The following QRICH1 variants were observed in gnomAD, a reference collection of about 807,000 sequenced individuals.
QRICH1 encodes the protein transcriptional regulator QRICH1.
QRICH1 carries 16 observed loss-of-function variants against 87.1 expected under a neutral mutation model. The observed-to-expected ratio is 0.18, with a 90% confidence interval of 0.12 to 0.28. The LOEUF is 0.28. QRICH1 is among the 10% of genes least tolerant of loss of function. The pLI is 1.00. For synonymous variants in QRICH1, 367 were observed against 368.4 expected, an observed-to-expected ratio of 1.00 and a Z score of 0.05; for missense variants, 647 against 951.7, an observed-to-expected ratio of 0.68 and a Z score of 4.21.
chr3:49,068,650 TG>T (rs1233539825), intron 2 of QRICH1, among the ~76,000 whole-genome samples: 1 of 150,578 alleles, frequency 6.6e-6, no homozygotes, highest in Non-Finnish European at 1.5e-5. Flanking sequence ...TTTTTTGTGA[TG>T]GGGTCTGTGC....
intron 3 of QRICH1, among the ~76,000 whole-genome samples, chr3:49,052,844 A>C (rs936214592): frequency 2.6e-5 from 4 of 152,120 alleles, no homozygotes; most frequent in East Asian, 1.9e-4. Context: ...CTTGTCACTT[A>C]ATCTCTCTGT....
chr3:49,068,664 T>C (rs992847314), intron 2 of QRICH1, among the ~76,000 whole-genome samples: 2 of 151,376 alleles, frequency 1.3e-5, no homozygotes, highest in African/African-American at 4.9e-5. Context: ...GTCTGTGCTC[T>C]ATTGCCCAGG....
At chr3:49,071,667 A>G (rs765985970) in intron 2 of QRICH1, among the ~76,000 whole-genome samples, 30 of 152,176 alleles carry the variant, frequency 2.0e-4, no homozygotes, top group Non-Finnish European at 3.7e-4. Context: ...AAACAGCAGA[A>G]TAATTTGAGC....
chr3:49,038,252 A>T (rs1259454684), intron 6 of QRICH1, among the ~76,000 whole-genome samples: 1 of 150,952 alleles, frequency 6.6e-6, no homozygotes, highest in Non-Finnish European at 1.5e-5. Context: ...TAGTAGAGAC[A>T]GGGCTTCACC....
At chr3:49,086,319 C>T (rs1240323848) in intron 1 of QRICH1, among the ~76,000 whole-genome samples, 3 of 150,478 alleles carry the variant, frequency 2.0e-5, no homozygotes, top group East Asian at 2.0e-4. Flanking sequence ...TGCAATGGTG[C>T]GATCTCGGCT....
In QRICH1 at chr3:49,057,504, C is replaced by T. The variant is rs1457294252; in HGVS notation, c.696G>A (p.Gly232=). The part of the protein sequence containing the change: ...PPSQQGSPRE[G]ERRVGTASVL... ...CACTGGCCGTGCCAACCCGCCGCTC[C>T]CCTTCCCGGGGTGAGCCCTGCTGGG... The change falls in exon 3 of 10, where the codon GGG becomes GGA. Residue 232 remains glycine (G), a synonymous_variant. Transcript: ENST00000395443. The surrounding 1 kb of genome is among the most constrained non-coding windows in gnomAD (Gnocchi z 5.4). 2 of 1,613,438 alleles carry T rather than the reference C, an allele frequency of 1.2e-6. No homozygotes were observed. Among genetic ancestry groups the T allele is most frequent in the African/African-American group, 1.3e-5 (1 of 75,054 alleles).
At chr3:49,080,469 A>G (rs752068861) in intron 1 of QRICH1, among the ~76,000 whole-genome samples, 14 of 152,128 alleles carry the variant, frequency 9.2e-5, no homozygotes, top group East Asian at 1.9e-4. Context: ...TGGGAATTCA[A>G]TATCAAACAA....
intron 6 of QRICH1, among the ~76,000 whole-genome samples, chr3:49,038,291 G>C (rs992507534): frequency 2.6e-5 from 4 of 151,760 alleles, no homozygotes; most frequent in Non-Finnish European, 2.9e-5. Flanking sequence ...TCGATCTCCT[G>C]AACTCATGAT....
chr3:49,032,599 C>G, intron 8 of QRICH1, 23 bp downstream of exon 8: 1 of 1,543,974 alleles, frequency 6.5e-7, no homozygotes, highest in Non-Finnish European at 8.7e-7. Flanking sequence ...CCTGTTTTTG[C>G]CATCCCTGCC....
intron 2 of QRICH1, among the ~76,000 whole-genome samples, chr3:49,068,919 C>T (rs1441670285): frequency 1.3e-5 from 2 of 151,664 alleles, no homozygotes; most frequent in African/African-American, 4.8e-5. Context: ...GCATGAGCAA[C>T]CACACCCGGC....
intron 1 of QRICH1, among the ~76,000 whole-genome samples, chr3:49,088,750 C>T (rs541796921): frequency 2.6e-5 from 4 of 151,856 alleles, no homozygotes; most frequent in South Asian, 4.2e-4. Flanking sequence ...CTCTGCCTCC[C>T]GAGTAGCTGG....
chr3:49,062,848 T>C (rs997950552), intron 2 of QRICH1, among the ~76,000 whole-genome samples: 1 of 151,324 alleles, frequency 6.6e-6, no homozygotes, highest in Non-Finnish European at 1.5e-5. Flanking sequence ...TCTATTAAAA[T>C]AATTAGCCAG....
intron 6 of QRICH1, chr3:49,033,448 A>T: frequency 2.7e-6 from 1 of 368,762 alleles, no homozygotes; most frequent in Non-Finnish European, 4.8e-6. Context: ...CACTTCTAAC[A>T]CCACACTTGA....
At chr3:49,044,875 G>T (rs979802288) in intron 5 of QRICH1, among the ~76,000 whole-genome samples, 3 of 152,112 alleles carry the variant, frequency 2.0e-5, no homozygotes, top group African/African-American at 7.2e-5. Context: ...TGTAAATGGA[G>T]ATGATGGTAT....
At position 49,057,981 on chromosome 3, in the gene QRICH1, G is replaced by A; in HGVS notation, c.310-91C>T. 2 of 1,598,028 alleles carry A rather than the reference G, an allele frequency of 1.3e-6. No individual in the cohort carries two copies. Among genetic ancestry groups the A allele is most frequent in the Admixed American group, 1.7e-5 (1 of 57,266 alleles). On this transcript the variant is annotated intron_variant, in intron 2 of 9. Coordinates refer to ENST00000395443, the MANE Select transcript of QRICH1 (RefSeq NM_198880.3). The surrounding 1 kb of genome is among the most constrained non-coding windows in gnomAD (Gnocchi z 5.4). ...GAAAGAAAAGAGATCCCAGACAGGG[G>A]ACCTGCAAAATGTGAGAAAACACTG...
chr3:49,046,289 G>A, intron 5 of QRICH1, 136 bp downstream of exon 5: 1 of 805,124 alleles, frequency 1.2e-6, no homozygotes. Context: ...CAACAAATGT[G>A]TATTTTAAAA....
At chr3:49,042,566 A>T (rs1448029924) in intron 6 of QRICH1, among the ~76,000 whole-genome samples, 2 of 151,860 alleles carry the variant, frequency 1.3e-5, no homozygotes, top group Non-Finnish European at 2.9e-5. Flanking sequence ...AGGGATAAAC[A>T]GGTGAAAAGG....
At chr3:49,072,040 A>G (rs2041842930) in intron 2 of QRICH1, among the ~76,000 whole-genome samples, 1 of 152,100 alleles carries the variant, frequency 6.6e-6, no homozygotes, top group Non-Finnish European at 1.5e-5. Context: ...CCTTACAAAG[A>G]CAAAACAAGG....
chr3:49,078,835 G>A (rs894758280), intron 1 of QRICH1, among the ~76,000 whole-genome samples: 3 of 151,394 alleles, frequency 2.0e-5, no homozygotes, highest in African/African-American at 2.4e-5. Context: ...GGGACTACAG[G>A]TGCCCACCAC....
Sources: gnomAD v4.1 joint callset for allele counts (sites outside exome capture counted in the v4.1 genomes callset) on GRCh38, gnomAD v4.1.1 for gene constraint, Gnocchi (gnomAD v3.1) non-coding constraint, MANE v1.5 for transcripts, NCBI Gene and HGNC (gene_info 2026-07-23, HGNC 2026-07-21) for gene names.